The following SEC24B variants were observed in gnomAD, a reference collection of about 807,000 sequenced individuals.
SEC24B encodes the protein protein transport protein Sec24B.
A neutral mutation model predicts 142.8 loss-of-function variants in SEC24B; 45 were observed. The ratio of observed to expected loss-of-function variants is 0.32; its 90% CI spans 0.25 to 0.40. The LOEUF is 0.40. Ranked by LOEUF, SEC24B falls within the 10% of genes least tolerant of loss-of-function variation. The pLI is 1.00. For missense variants in SEC24B, 1,409 were observed against 1,526.8 expected (o/e 0.92, Z 1.29); for synonymous variants, 574 against 568.2 (o/e 1.01, Z -0.15).
intron 3 of SEC24B, among the ~76,000 whole-genome samples, chr4:109,478,150 A>G (rs1733368787): frequency 1.3e-5 from 2 of 152,004 alleles, no homozygotes; most frequent in African/African-American, 4.8e-5. Flanking sequence ...GCTGGGCGTG[A>G]TGGCACAGGC....
intron 17 of SEC24B, among the ~76,000 whole-genome samples, chr4:109,526,663 A>T (rs1724262433): frequency 6.6e-6 from 1 of 152,188 alleles, no homozygotes; most frequent in South Asian, 2.1e-4. Context: ...CAGCTATGCC[A>T]TTCTTTGTAT....
At chr4:109,501,423 G>A (rs1736130802) in intron 6 of SEC24B, among the ~76,000 whole-genome samples, 1 of 152,168 alleles carries the variant, frequency 6.6e-6, no homozygotes, top group Non-Finnish European at 1.5e-5. Flanking sequence ...TTGTGCATTT[G>A]CCTTAACTAT....
intron 1 of SEC24B, among the ~76,000 whole-genome samples, chr4:109,456,326 T>A (rs1285322435): frequency 8.1e-6 from 1 of 124,138 alleles, no homozygotes; most frequent in African/African-American, 3.0e-5. Flanking sequence ...TAAAGACAGG[T>A]TTTTTTTGTT....
chr4:109,473,449 C>T (rs1202893651), intron 3 of SEC24B, among the ~76,000 whole-genome samples: 1 of 151,962 alleles, frequency 6.6e-6, no homozygotes, highest in Non-Finnish European at 1.5e-5. Flanking sequence ...ATGGTTATTT[C>T]ATTCCTCTGT....
chr4:109,447,353 A>G (rs1415230081), intron 1 of SEC24B, among the ~76,000 whole-genome samples: 1 of 152,202 alleles, frequency 6.6e-6, no homozygotes, highest in Non-Finnish European at 1.5e-5. Flanking sequence ...AAAGTTTCAA[A>G]AAAGGTATCA....
chr4:109,516,293 C>T (rs1722888707), intron 10 of SEC24B, among the ~76,000 whole-genome samples: 1 of 152,132 alleles, frequency 6.6e-6, no homozygotes, highest in Middle Eastern at 3.4e-3. Flanking sequence ...AACATTTAAC[C>T]CATCTATTTA....
In SEC24B at chr4:109,452,345, T is replaced by C. The variant is rs941650966; in HGVS notation, c.134-10556T>C. 3.9e-5 allele frequency among the ~76,000 whole-genome samples: 6 copies of C among 152,252 alleles called. No individual in the cohort carries two copies. In the South Asian group the frequency reaches 1.2e-3, roughly 31 times the overall value. On this transcript the variant is annotated intron_variant, in intron 1 of 23. Coordinates refer to ENST00000265175, the MANE Select transcript of SEC24B (RefSeq NM_006323.5). ...TCTGTTATCAGACATCTTGGTTGTT[T>C]CCAGTGTTTGGTAGTTATAAAAAAA...
intron 19 of SEC24B, among the ~76,000 whole-genome samples, chr4:109,530,963 C>A (rs1195230654): frequency 2.0e-5 from 3 of 148,544 alleles, no homozygotes; most frequent in African/African-American, 7.5e-5. Context: ...TACATGATGA[C>A]TTTAGTGAAA....
chr4:109,449,453 A>G (rs887049339), intron 1 of SEC24B: 2 of 444,748 alleles, frequency 4.5e-6, no homozygotes, highest in Middle Eastern at 3.5e-4. Flanking sequence ...GCTAGTCTTG[A>G]ACTCCTGGAC....
intron 1 of SEC24B, among the ~76,000 whole-genome samples, chr4:109,450,206 C>T (rs1217179787): frequency 6.6e-6 from 1 of 152,074 alleles, no homozygotes; most frequent in Non-Finnish European, 1.5e-5. Flanking sequence ...GAGCAAGACC[C>T]TGTCTCTTAA....
intron 1 of SEC24B, among the ~76,000 whole-genome samples, chr4:109,436,406 A>G (rs1398062893): frequency 6.6e-6 from 1 of 152,184 alleles, no homozygotes; most frequent in African/African-American, 2.4e-5. Context: ...AATTCCAGAC[A>G]TGGTGAAAAA....
chr4:109,530,298 G>A lies in SEC24B; in HGVS notation c.3086G>A (p.Arg1029Gln), dbSNP rs778630616. ...TTTGGTTGCTTTTTAGCTGTGGATC[G>A]GTCCGTTTCATCAAGTCTGTCAGAT... ...ICLLANMAVD[R>Q]SVSSSLSDAR... The change falls in exon 19 of 24, where the codon CGG becomes CAG. Residue 1029 changes from arginine (R) to glutamine (Q), a missense_variant. Physicochemically the swap from Arg to Gln is conservative, Grantham distance 43 (BLOSUM62 1). Coordinates refer to ENST00000265175, the MANE Select transcript of SEC24B (RefSeq NM_006323.5). 5.0e-6 allele frequency: 8 copies of A among 1,611,910 alleles called. No homozygotes were observed. Among genetic ancestry groups the A allele is most frequent in the South Asian group, 1.1e-5 (1 of 90,788 alleles).
intron 1 of SEC24B, among the ~76,000 whole-genome samples, chr4:109,450,054 AG>A (rs1009311769): frequency 2.7e-5 from 4 of 147,096 alleles, no homozygotes; most frequent in Non-Finnish European, 4.4e-5. Flanking sequence ...CTACAAACAA[AG>A]TAAAATTATT....
chr4:109,520,888 A>C (rs534723128), intron 12 of SEC24B, among the ~76,000 whole-genome samples: 52 of 152,168 alleles, frequency 3.4e-4, no homozygotes, highest in Non-Finnish European at 6.0e-4. Context: ...GCTACTCAGG[A>C]GGCTGAGGCA....
Position 109,481,745 on chromosome 4 carries a change from G to T in SEC24B, c.1129G>T (p.Asp377Tyr). Residue 377 changes from aspartate to tyrosine, a missense_variant, in exon 4 of 24, where the codon GAT (aspartate) becomes TAT (tyrosine). Coordinates refer to ENST00000265175, the MANE Select transcript of SEC24B (RefSeq NM_006323.5). ...SAPTPLSSTS[D>Y]DEEEEEEDEE... ...ACCAACTCCCTTGTCATCAACTTCCGATGATGAGGAAGAGGAGGAGGAGGA... is the reference window on the plus strand; with the variant it reads ...ACCAACTCCCTTGTCATCAACTTCCTATGATGAGGAAGAGGAGGAGGAGGA... 6.2e-7 allele frequency: 1 copy of T among 1,613,778 alleles called. No homozygotes were observed. The highest frequency in any genetic ancestry group is 8.5e-7 in the Non-Finnish European group (1 of 1,179,796).
intron 6 of SEC24B, among the ~76,000 whole-genome samples, chr4:109,495,086 A>C (rs560810230): frequency 6.6e-6 from 1 of 152,180 alleles, no homozygotes; most frequent in Admixed American, 6.5e-5. Context: ...CTAGATCAAG[A>C]TATTAGATAT....
chr4:109,532,888 G>A lies in SEC24B; in HGVS notation c.3495+145G>A, dbSNP rs973997729. 1.6e-5 allele frequency: 9 copies of A among 551,728 alleles called. No individual in the cohort carries two copies. In the Admixed American group the frequency reaches 2.8e-4, roughly 17 times the overall value. 34.2% of individuals were successfully genotyped at this position (551,728 alleles called of 1,614,324 possible). On this transcript the variant is annotated intron_variant, in intron 21 of 23. Coordinates refer to ENST00000265175, the MANE Select transcript of SEC24B (RefSeq NM_006323.5). ...CTGAAATTGGTAACTAGCACTGGAGGTCAATTTACTTTAAACTTTTCTATT... is the reference window on the plus strand; with the variant it reads ...CTGAAATTGGTAACTAGCACTGGAGATCAATTTACTTTAAACTTTTCTATT...
chr4:109,471,905 T>C (rs1193194841), intron 2 of SEC24B, among the ~76,000 whole-genome samples: 5 of 152,184 alleles, frequency 3.3e-5, no homozygotes, highest in Non-Finnish European at 7.4e-5. Context: ...GGGTTTGCTC[T>C]GATTCAAAGG....
intron 4 of SEC24B, among the ~76,000 whole-genome samples, chr4:109,483,066 A>ATGTATT (rs781603899): frequency 5.3e-5 from 6 of 112,200 alleles, no homozygotes; most frequent in South Asian, 3.0e-4. Flanking sequence ...TTATATATAT[A>ATGTATT]TATATATGTA....
Sources: gnomAD v4.1 joint callset for allele counts (sites outside exome capture counted in the v4.1 genomes callset) on GRCh38, gnomAD v4.1.1 for gene constraint, MANE v1.5 for transcripts, NCBI Gene and HGNC (gene_info 2026-07-23, HGNC 2026-07-21) for gene names.